FAM210A: variants seen among roughly 807,000 people sequenced by gnomAD.
FAM210A encodes the protein family with sequence similarity 210 member A.
Under a neutral mutation model 25.3 loss-of-function variants are expected in FAM210A, and 13 were observed. That is an observed-to-expected ratio of 0.51 (90% CI 0.33 to 0.82). The LOEUF (loss-of-function observed/expected upper bound fraction) is 0.82. FAM210A is among the 40% of genes least tolerant of loss of function. FAM210A has a pLI of 0.02. For synonymous variants in FAM210A, 125 were observed against 118.7 expected (o/e 1.05, Z -0.35); for missense variants, 319 against 323.2 (o/e 0.99, Z 0.10).
chr18:13,692,196 C>G (rs1409203900), intron 1 of FAM210A, among the ~76,000 whole-genome samples: 3 of 151,936 alleles, frequency 2.0e-5, no homozygotes, highest in Non-Finnish European at 1.5e-5. Context: ...ACAAGAAGAG[C>G]TAACTCTCCT....
At chr18:13,679,216 G>A (rs1490153601) in intron 2 of FAM210A, among the ~76,000 whole-genome samples, 3 of 152,244 alleles carry the variant, frequency 2.0e-5, no homozygotes, top group Admixed American at 2.0e-4. Context: ...AATGAGGCAT[G>A]ATGTCAAATG....
chr18:13,677,692 C>T (rs747522972), intron 2 of FAM210A, among the ~76,000 whole-genome samples: 1 of 152,046 alleles, frequency 6.6e-6, no homozygotes, highest in African/African-American at 2.4e-5. Context: ...TAAGACAATA[C>T]GAGGGGTGGT....
chr18:13,703,308 C>T (rs573522710), intron 1 of FAM210A, among the ~76,000 whole-genome samples: 22 of 152,308 alleles, frequency 1.4e-4, no homozygotes, highest in African/African-American at 4.6e-4. Flanking sequence ...ATCAGAGAAG[C>T]ATGCTTTGGG....
rs141883375 is a variant in FAM210A at position 13,671,965 on chromosome 18, T to G, written c.482A>C (p.Asn161Thr). 1.3e-4 allele frequency: 205 copies of G among 1,605,576 alleles called. No homozygotes were observed. Among genetic ancestry groups the G allele is most frequent in the Non-Finnish European group, 9.4e-5 (110 of 1,174,772 alleles). The change falls in exon 3 of 4, where the codon AAT becomes ACT. Residue 161 changes from asparagine (N) to threonine (T), a missense_variant. By Grantham distance (65) the Asn-to-Thr change is moderately conservative. Coordinates refer to ENST00000651643, the MANE Select transcript of FAM210A (RefSeq NM_152352.4). Reference protein sequence around the residue: ...TFYYAALKGVNVVPFLELIGL... With the variant: ...TFYYAALKGVTVVPFLELIGL... ...AATGAGTTCTAGAAAAGGAACGACA[T>G]TCACTCCTCTACAAAAAAAAAAAAG...
chr18:13,702,928 T>C (rs1601961376), intron 1 of FAM210A, among the ~76,000 whole-genome samples: 2 of 152,114 alleles, frequency 1.3e-5, no homozygotes, highest in Non-Finnish European at 2.9e-5. Flanking sequence ...CGTTGGGTAA[T>C]AGGAAATTTA....
chr18:13,665,473 T>G lies in FAM210A; in HGVS notation c.*1007A>C, dbSNP rs1568472830. On this transcript the variant is annotated 3_prime_UTR_variant, in exon 4 of 4. Transcript: ENST00000651643. ...AAGACAAAAAGCAGCAGCCACAATT[T>G]AAAACTTTACTCCATAATGAAATCA... The G allele has an allele frequency of 6.7e-6, 1 of 149,446 alleles. No individual in the cohort carries two copies. Among genetic ancestry groups the G allele is most frequent in the African/African-American group, 2.5e-5 (1 of 40,730 alleles). 9.3% of individuals were successfully genotyped at this position (149,446 alleles called of 1,614,324 possible).
intron 1 of FAM210A, among the ~76,000 whole-genome samples, chr18:13,722,260 C>A (rs998655618): frequency 1.3e-5 from 2 of 151,598 alleles, no homozygotes; most frequent in Non-Finnish European, 2.9e-5. Context: ...GATGGCAACA[C>A]ACCTACTTAC....
intron 1 of FAM210A, among the ~76,000 whole-genome samples, chr18:13,688,788 G>A (rs1215228052): frequency 1.3e-5 from 2 of 152,224 alleles, no homozygotes; most frequent in Non-Finnish European, 2.9e-5. Flanking sequence ...GGGGTTGCAG[G>A]CACCCCCACC....
intron 1 of FAM210A, among the ~76,000 whole-genome samples, chr18:13,697,316 A>C (rs1451232900): frequency 1.3e-5 from 2 of 152,166 alleles, no homozygotes; most frequent in Non-Finnish European, 1.5e-5. Context: ...GGCAAAAAAC[A>C]CAGAAAAAGA....
intron 1 of FAM210A, among the ~76,000 whole-genome samples, chr18:13,695,472 C>T (rs1470961191): frequency 6.6e-6 from 1 of 152,134 alleles, no homozygotes; most frequent in African/African-American, 2.4e-5. Flanking sequence ...CCCAAATGTC[C>T]ATCAACGATA....
intron 1 of FAM210A, among the ~76,000 whole-genome samples, chr18:13,705,494 CAG>C (rs1321143646): frequency 1.3e-5 from 2 of 151,930 alleles, no homozygotes; most frequent in Admixed American, 6.6e-5. Context: ...CTTTTTAAGA[CAG>C]AGTCTCACTC....
At chr18:13,700,604 C>A (rs1382473661) in intron 1 of FAM210A, among the ~76,000 whole-genome samples, 2 of 152,216 alleles carry the variant, frequency 1.3e-5, no homozygotes, top group African/African-American at 4.8e-5. Flanking sequence ...CAGCAATCCC[C>A]ACACTTTAGC....
At chr18:13,723,700 T>C (rs1601974200) in intron 1 of FAM210A, among the ~76,000 whole-genome samples, 1 of 152,232 alleles carries the variant, frequency 6.6e-6, no homozygotes, top group East Asian at 1.9e-4. Flanking sequence ...TCAACCAAAC[T>C]AGTATCTGAT....
rs544492880 is a variant in FAM210A, at chr18:13,724,449, G to A, written c.-29+1880C>T. Among the ~76,000 whole-genome samples the A allele has an allele frequency of 9.2e-5, 14 of 152,274 alleles. No individual in the cohort carries two copies. In the South Asian group the frequency reaches 2.9e-3, roughly 32 times the overall value. On this transcript the variant is annotated intron_variant, in intron 1 of 3. Transcript: ENST00000651643. ...CCACTGGGTTCGGTTAGAATTAAAC[G>A]AGTGCAAATGAATAAAGCACTAACC...
intron 3 of FAM210A, among the ~76,000 whole-genome samples, chr18:13,669,026 C>T (rs575665999): frequency 6.6e-5 from 10 of 152,232 alleles, no homozygotes; most frequent in South Asian, 4.1e-4. Flanking sequence ...TCCAGTTGTC[C>T]GGGCCAAAAA....
rs375228347 is a variant in FAM210A at position 13,682,027 on chromosome 18, G to C, written c.51C>G (p.Cys17Trp). Residue 17 changes from cysteine (C) to tryptophan (W), a missense_variant, in exon 2 of 4, where the codon TGC (cysteine) becomes TGG (tryptophan). Cys to Trp is a radical substitution (Grantham distance 215). Coordinates refer to ENST00000651643, the MANE Select transcript of FAM210A (RefSeq NM_152352.4). ...AGAGACCAGCATTATGTGGTTCCAA[G>C]CATGTCCTGCGTGCCAGTCGAGATA... ...RTVSRLARRT[C>W]LEPHNAGLFG... 101 of 1,613,012 alleles carry C rather than the reference G, an allele frequency of 6.3e-5. No homozygotes were observed. The highest frequency in any genetic ancestry group is 7.5e-5 in the Non-Finnish European group (89 of 1,179,452).
At position 13,663,388 on chromosome 18, in the gene FAM210A, G is replaced by A. The variant is rs1352035200; in HGVS notation, c.*3092C>T. On this transcript the variant is annotated 3_prime_UTR_variant, in exon 4 of 4. Transcript: ENST00000651643. ...AAATTTATTATTTTCACTACTGGGA[G>A]GTAGGTAATCTCAGTATAAGCATTC... The A allele has an allele frequency of 1.3e-5, 2 of 151,648 alleles. No homozygotes were observed. The highest frequency in any genetic ancestry group is 2.9e-5 in the Non-Finnish European group (2 of 67,952). The allele number at this position is 151,648 out of a possible 1,614,324, so 9.4% of individuals were successfully genotyped here.
At position 13,682,683 on chromosome 18, in the gene FAM210A, A is replaced by G. The variant is rs111396909; in HGVS notation, c.-28-578T>C. Among the ~76,000 whole-genome samples, 251 of 152,318 alleles carry G rather than the reference A, an allele frequency of 1.6e-3. 2 individuals are homozygous for G. The highest frequency in any genetic ancestry group is 5.5e-3 in the African/African-American group (230 of 41,562). Reference sequence around the variant, plus strand: ...CAGGAGTTCGAGACCAGCCTGGCCAACATGGCAAAACCCTGTCTCTACTAA... The same window carrying G: ...CAGGAGTTCGAGACCAGCCTGGCCAGCATGGCAAAACCCTGTCTCTACTAA... On this transcript the variant is annotated intron_variant, in intron 1 of 3. Transcript: ENST00000651643.
chr18:13,711,213 A>C (rs927585967), intron 1 of FAM210A, among the ~76,000 whole-genome samples: 1 of 152,148 alleles, frequency 6.6e-6, no homozygotes, highest in African/African-American at 2.4e-5. Flanking sequence ...TCTACTAAAA[A>C]TACAAAAATT....
Sources: gnomAD v4.1 joint callset for allele counts (sites outside exome capture counted in the v4.1 genomes callset) on GRCh38, gnomAD v4.1.1 for gene constraint, MANE v1.5 for transcripts, NCBI Gene and HGNC (gene_info 2026-07-23, HGNC 2026-07-21) for gene names.